The following GPHN variants were observed in gnomAD, a reference collection of about 807,000 sequenced individuals.
GPHN encodes gephyrin.
A neutral mutation model predicts 95.5 loss-of-function variants in GPHN; 17 were observed. The observed-to-expected ratio is 0.18, with a 90% CI of 0.12 to 0.27. The LOEUF is 0.27. Ranked by LOEUF, GPHN falls within the 10% of genes least tolerant of loss-of-function variation. The pLI, the probability that GPHN is intolerant of heterozygous loss-of-function variation, is 1.00. For synonymous variants in GPHN, 320 were observed against 322.5 expected (o/e 0.99, Z 0.08); for missense variants, 660 against 978.1 (o/e 0.67, Z 4.34).
chr14:66,734,720 A>C (rs950944050), intron 2 of GPHN, among the ~76,000 whole-genome samples: 5 of 152,218 alleles, frequency 3.3e-5, no homozygotes, highest in Non-Finnish European at 7.3e-5. Flanking sequence ...TCATAATCAT[A>C]GCAAACATTT....
chr14:67,498,469 G>A, the GPHN span, among the ~76,000 whole-genome samples: 1 of 152,156 alleles, frequency 6.6e-6, no homozygotes, highest in Admixed American at 6.5e-5. Flanking sequence ...CTCCTTTAGA[G>A]TATGGTTGAG....
chr14:67,051,752 A>G (rs886530395), intron 10 of GPHN, among the ~76,000 whole-genome samples: 11 of 152,244 alleles, frequency 7.2e-5, no homozygotes, highest in African/African-American at 2.4e-4. Flanking sequence ...TCAGACTAAC[A>G]GTGGACCTCT....
At chr14:66,944,102 C>A (rs529254171) in intron 8 of GPHN, among the ~76,000 whole-genome samples, 75 of 152,254 alleles carry the variant, frequency 4.9e-4, no homozygotes, top group African/African-American at 1.5e-3. Context: ...TTTAAATATA[C>A]CTATAATTTG....
chr14:67,237,662 A>G, the GPHN span, among the ~76,000 whole-genome samples: 1 of 152,192 alleles, frequency 6.6e-6, no homozygotes, highest in African/African-American at 2.4e-5. Flanking sequence ...ATTTTATTAC[A>G]TAAACATTTA....
At chr14:67,694,246 G>C in the GPHN span, among the ~76,000 whole-genome samples, 1 of 152,152 alleles carries the variant, frequency 6.6e-6, no homozygotes, top group South Asian at 2.1e-4. Flanking sequence ...TCCCTCCTCA[G>C]AAAACAAGCC....
the GPHN span, among the ~76,000 whole-genome samples, chr14:67,474,911 CTTCTT>C: frequency 1.0e-4 from 13 of 124,378 alleles, no homozygotes; most frequent in African/African-American, 4.8e-4. Flanking sequence ...TCAGAATTTC[CTTCTT>C]TTTTTTTTTT....
At chr14:67,620,025 T>C in the GPHN span, 4 of 1,611,814 alleles carry the variant, frequency 2.5e-6, no homozygotes, top group African/African-American at 1.3e-5. Flanking sequence ...CGCGAGTGCA[T>C]TCCATCCTGA....
At chr14:66,749,722 T>C (rs1211219258) in intron 2 of GPHN, among the ~76,000 whole-genome samples, 1 of 151,982 alleles carries the variant, frequency 6.6e-6, no homozygotes, top group African/African-American at 2.4e-5. Context: ...TTTTAAAATC[T>C]CTTTGTATAT....
the GPHN span, among the ~76,000 whole-genome samples, chr14:67,283,458 C>G: frequency 6.6e-6 from 1 of 152,178 alleles, no homozygotes; most frequent in Admixed American, 6.5e-5. Flanking sequence ...TTCAAGCCAA[C>G]AGACAAAATC....
the GPHN span, among the ~76,000 whole-genome samples, chr14:67,529,815 G>C: frequency 6.6e-6 from 1 of 152,222 alleles, no homozygotes. Flanking sequence ...CCAAGGCAGA[G>C]AGCAGAAGCC....
chr14:66,883,940 T>A (rs2064053941), intron 5 of GPHN, among the ~76,000 whole-genome samples: 1 of 152,114 alleles, frequency 6.6e-6, no homozygotes, highest in Non-Finnish European at 1.5e-5. Context: ...TTAGCTCTCT[T>A]CTTTTCAAGA....
chr14:67,232,639 T>C, the GPHN span, among the ~76,000 whole-genome samples: 1 of 152,250 alleles, frequency 6.6e-6, no homozygotes, highest in African/African-American at 2.4e-5. Flanking sequence ...TTGACTAAAC[T>C]GCTGAACACC....
chr14:66,679,917 T>C (rs2066840813), intron 1 of GPHN, among the ~76,000 whole-genome samples: 1 of 152,234 alleles, frequency 6.6e-6, no homozygotes, highest in Admixed American at 6.5e-5. Context: ...TTCCCTTGAT[T>C]GTTAGTCACA....
chr14:67,569,202 A>G, the GPHN span: 71 of 1,611,360 alleles, frequency 4.4e-5, no homozygotes, highest in Non-Finnish European at 5.9e-5. Context: ...CCCAGAAGTA[A>G]TACTGCATGC....
At chr14:67,091,836 T>G (rs1298451471) in intron 12 of GPHN, among the ~76,000 whole-genome samples, 1 of 127,230 alleles carries the variant, frequency 7.9e-6, no homozygotes, top group Non-Finnish European at 1.7e-5. Flanking sequence ...GTTTGAGAGG[T>G]TTTTTTTTTT....
At chr14:66,558,146 G>A (rs764959305) in intron 1 of GPHN, among the ~76,000 whole-genome samples, 6 of 151,998 alleles carry the variant, frequency 3.9e-5, no homozygotes, top group Non-Finnish European at 8.8e-5. Flanking sequence ...AATCAAAGTG[G>A]GATGGGTCTC....
the GPHN span, chr14:67,223,837 T>C: frequency 1.0e-6 from 1 of 985,824 alleles, no homozygotes; most frequent in Non-Finnish European, 1.2e-6. Context: ...TCCCCTTCCA[T>C]ACACTTTTAC....
the GPHN span, among the ~76,000 whole-genome samples, chr14:67,550,440 C>G: frequency 2.0e-5 from 3 of 152,224 alleles, no homozygotes; most frequent in African/African-American, 7.2e-5. Flanking sequence ...CCATCCGCCT[C>G]GGCCTCCCAA....
At chr14:67,425,005 A>G in the GPHN span, among the ~76,000 whole-genome samples, 1 of 152,140 alleles carries the variant, frequency 6.6e-6, no homozygotes, top group Non-Finnish European at 1.5e-5. Flanking sequence ...CATCATTCCA[A>G]CTGGTTCACC....
Sources: gnomAD v4.1 joint callset for allele counts (sites outside exome capture counted in the v4.1 genomes callset) on GRCh38, gnomAD v4.1.1 for gene constraint, MANE v1.5 for transcripts, NCBI Gene and HGNC (gene_info 2026-07-23, HGNC 2026-07-21) for gene names.